Variants in TSHZ2 observed in about 807,000 individuals in gnomAD.
TSHZ2 encodes teashirt homolog 2.
In TSHZ2, 21 loss-of-function variants were observed where a neutral mutation model predicts 74.4. That is an observed-to-expected ratio of 0.28 (90% CI 0.20 to 0.41). The LOEUF is 0.41. Among genes scored for constraint, TSHZ2 ranks in the 10% least tolerant of loss-of-function variants. The pLI is 1.00. For synonymous variants in TSHZ2, 540 were observed against 515.3 expected (o/e 1.05, Z -0.65); for missense variants, 1,244 against 1,293.5 (o/e 0.96, Z 0.59).
chr20:53,385,948 C>T (rs1982028326), intron 2 of TSHZ2, among the ~76,000 whole-genome samples: 1 of 152,214 alleles, frequency 6.6e-6, no homozygotes, highest in Admixed American at 6.5e-5. Context: ...GATGTCCCAC[C>T]TGCCACACCG....
At chr20:53,094,367 C>T (rs777204772) in intron 1 of TSHZ2, among the ~76,000 whole-genome samples, 1 of 152,162 alleles carries the variant, frequency 6.6e-6, no homozygotes, top group Non-Finnish European at 1.5e-5. Context: ...CCACTAAAAA[C>T]ATCTTGTCTG....
intron 2 of TSHZ2, among the ~76,000 whole-genome samples, chr20:53,271,752 A>G (rs2145418209): frequency 6.6e-6 from 1 of 152,306 alleles, no homozygotes; most frequent in African/African-American, 2.4e-5. Flanking sequence ...AGTGAGAGAG[A>G]GGGTGTGGTT....
chr20:53,079,834 C>CT (rs1354740403), intron 1 of TSHZ2, among the ~76,000 whole-genome samples: 6 of 135,718 alleles, frequency 4.4e-5, no homozygotes, highest in Middle Eastern at 3.6e-3. Flanking sequence ...TTTTTTTTTT[C>CT]TTTTTTTTTG....
At chr20:53,156,278 A>G (rs1353919357) in intron 1 of TSHZ2, among the ~76,000 whole-genome samples, 1 of 152,086 alleles carries the variant, frequency 6.6e-6, no homozygotes, top group Non-Finnish European at 1.5e-5. Context: ...AAGAAAACAT[A>G]TGTCTCTGTG....
intron 1 of TSHZ2, chr20:53,185,168 T>A: frequency 2.0e-6 from 2 of 984,808 alleles, no homozygotes; most frequent in Non-Finnish European, 2.4e-6. Context: ...TTGAGCCAAT[T>A]GTTTTGAAGA....
At chr20:53,042,664 A>G (rs1294747887) in intron 1 of TSHZ2, among the ~76,000 whole-genome samples, 3 of 149,970 alleles carry the variant, frequency 2.0e-5, no homozygotes, top group Non-Finnish European at 3.0e-5. Flanking sequence ...ACATTTATCC[A>G]TGCTATTAAC....
At chr20:53,045,504 G>A (rs918884877) in intron 1 of TSHZ2, among the ~76,000 whole-genome samples, 7 of 152,152 alleles carry the variant, frequency 4.6e-5, no homozygotes, top group East Asian at 1.9e-4. Context: ...GGGCACTCAC[G>A]AATAGTGACT....
chr20:53,205,300 A>G lies in TSHZ2; in HGVS notation c.41-48199A>G, dbSNP rs533618614. On this transcript the variant is annotated intron_variant, in intron 1 of 2. Transcript: ENST00000371497. ...TGCGCCTAAGCTTAAAATAGCATGC[A>G]TTTCAGCCCAGAAATTATGGTATCT... Among the ~76,000 whole-genome samples the G allele has an allele frequency of 5.3e-5, 8 of 152,286 alleles. No homozygotes were observed. The South Asian group carries it at 1.7e-3, about 32-fold the overall frequency.
At chr20:53,399,477 G>A (rs1053280057) in intron 2 of TSHZ2, 3 of 152,224 alleles carry the variant, frequency 2.0e-5, no homozygotes, top group Admixed American at 1.3e-4. Context: ...AGTTCTCCGA[G>A]GTGGCCTCTG....
chr20:53,183,236 G>T (rs1471488308), intron 1 of TSHZ2, among the ~76,000 whole-genome samples: 3 of 152,214 alleles, frequency 2.0e-5, no homozygotes, highest in African/African-American at 7.2e-5. Context: ...AAGCTCTCAA[G>T]ATGTGTTTCC....
chr20:53,193,363 T>G (rs1988787128), intron 1 of TSHZ2, among the ~76,000 whole-genome samples: 1 of 152,198 alleles, frequency 6.6e-6, no homozygotes, highest in African/African-American at 2.4e-5. Context: ...TTCGCAATCC[T>G]GTTAAGTCAA....
rs561123624 is a variant in TSHZ2, at chr20:53,130,004, G to A, written c.41-123495G>A. On this transcript the variant is annotated intron_variant, in intron 1 of 2. Transcript: ENST00000371497. ...GGCAAAAGGTGTTCTTAGAGATGGGGGGTCCTGTGTCTTACTAATTCCCAT... is the reference window on the plus strand; with the variant it reads ...GGCAAAAGGTGTTCTTAGAGATGGGAGGTCCTGTGTCTTACTAATTCCCAT... Among the ~76,000 whole-genome samples the A allele has an allele frequency of 5.3e-5, 8 of 152,050 alleles. No individual in the cohort carries two copies. The South Asian group carries it at 1.0e-3, about 20-fold the overall frequency.
intron 1 of TSHZ2, among the ~76,000 whole-genome samples, chr20:53,175,092 C>CTGGGCTT (rs984251863): frequency 6.8e-6 from 1 of 147,086 alleles, no homozygotes; most frequent in African/African-American, 2.5e-5. Context: ...TTATAGCTCC[C>CTGGGCTT]TGGGCTTTTT....
At chr20:53,093,879 G>A (rs568831498) in intron 1 of TSHZ2, among the ~76,000 whole-genome samples, 10 of 152,090 alleles carry the variant, frequency 6.6e-5, no homozygotes, top group East Asian at 1.9e-4. Context: ...GACCTCAGCC[G>A]GGTTTCATCA....
At chr20:53,114,090 T>A (rs1986604570) in intron 1 of TSHZ2, among the ~76,000 whole-genome samples, 1 of 144,602 alleles carries the variant, frequency 6.9e-6, no homozygotes, top group Non-Finnish European at 1.5e-5. Context: ...CAAGACCCTG[T>A]CTCTTATGAA....
intron 2 of TSHZ2, among the ~76,000 whole-genome samples, chr20:53,444,811 G>A (rs1984488536): frequency 6.6e-6 from 1 of 152,158 alleles, no homozygotes; most frequent in African/African-American, 2.4e-5. Context: ...TTCATCCCAA[G>A]TGGCCAACCA....
intron 1 of TSHZ2, among the ~76,000 whole-genome samples, chr20:53,141,073 T>A (rs1987388783): frequency 6.6e-6 from 1 of 152,174 alleles, no homozygotes; most frequent in Non-Finnish European, 1.5e-5. Flanking sequence ...TGTTAAGTGT[T>A]TGAGACCATC....
intron 1 of TSHZ2, among the ~76,000 whole-genome samples, chr20:53,249,559 A>C (rs967567358): frequency 4.5e-4 from 68 of 152,210 alleles, no homozygotes; most frequent in African/African-American, 1.6e-3. Flanking sequence ...CCTCACTGAG[A>C]AGGGCCCATT....
At chr20:53,286,435 G>A (rs1016161072) in intron 2 of TSHZ2, among the ~76,000 whole-genome samples, 1 of 152,184 alleles carries the variant, frequency 6.6e-6, no homozygotes, top group Non-Finnish European at 1.5e-5. Flanking sequence ...TTCTTTTTCA[G>A]GGCATTTTCC....
Sources: allele counts gnomAD v4.1 joint callset (sites outside exome capture counted in the v4.1 genomes callset), GRCh38; gene constraint gnomAD v4.1.1; transcripts MANE v1.5; gene names NCBI Gene and HGNC (gene_info 2026-07-23, HGNC 2026-07-21).